Variants in RPS6KB1 observed in about 807,000 individuals in gnomAD.
RPS6KB1 encodes the protein ribosomal protein S6 kinase B1, also known as ribosomal protein S6 kinase beta-1.
Under a neutral mutation model 70.2 loss-of-function variants are expected in RPS6KB1, and 12 were observed. That is an observed-to-expected ratio of 0.17 (90% CI 0.11 to 0.28). RPS6KB1 has a LOEUF of 0.28. Among genes scored for constraint, RPS6KB1 ranks in the 10% least tolerant of loss-of-function variants. The pLI is 1.00. For missense variants in RPS6KB1, 270 were observed against 646.6 expected, an observed-to-expected ratio of 0.42 and a Z score of 6.32; for synonymous variants, 175 against 211.2, an observed-to-expected ratio of 0.83 and a Z score of 1.49.
chr17:59,914,777 G>A (rs2042842438), intron 4 of RPS6KB1, 74 bp downstream of exon 4: 1 of 1,106,318 alleles, frequency 9.0e-7, no homozygotes, highest in Non-Finnish European at 1.3e-6. Flanking sequence ...AGGCTGGGAA[G>A]CAATCATATC....
At position 59,934,585 on chromosome 17, in the gene RPS6KB1, G is replaced by C; in HGVS notation, c.870+61G>C. 7.9e-7 allele frequency: 1 copy of C among 1,261,524 alleles called. No homozygotes were observed. The highest frequency in any genetic ancestry group is 1.2e-6 in the Non-Finnish European group (1 of 868,538). The allele number at this position is 1,261,524 out of a possible 1,614,324, so 78.1% of individuals were successfully genotyped here. A position where few individuals can be genotyped will look rare whatever the true frequency, so the allele number is the denominator to read the frequency against. ...TCTGTGCTGAGTCACTATAGCAAGA[G>C]ACCTGTCCTGTGCTTTCTGAACATG... is the stretch of plus-strand genomic sequence containing the variant. On this transcript the variant is annotated intron_variant, in intron 9 of 14. Transcript: ENST00000225577. The surrounding 1 kb of genome is among the most constrained non-coding windows in gnomAD (Gnocchi z 4.8).
At chr17:59,925,033 G>C (rs189759966) in intron 4 of RPS6KB1, among the ~76,000 whole-genome samples, 1 of 151,826 alleles carries the variant, frequency 6.6e-6, no homozygotes, top group African/African-American at 2.4e-5. Flanking sequence ...GCGTTTCACC[G>C]TGTTAGCCAG....
chr17:59,915,353 T>C (rs148089737), intron 4 of RPS6KB1, among the ~76,000 whole-genome samples: 314 of 152,218 alleles, frequency 2.1e-3, no homozygotes, highest in African/African-American at 7.2e-3. Context: ...ATTACTGTTA[T>C]TCCTATTTTT....
intron 14 of RPS6KB1, 105 bp downstream of exon 14, chr17:59,945,623 T>C: frequency 1.5e-6 from 1 of 657,690 alleles, no homozygotes; most frequent in Non-Finnish European, 2.8e-6. Context: ...ACTGTCATAC[T>C]CTCTTTGGTT....
intron 4 of RPS6KB1, among the ~76,000 whole-genome samples, chr17:59,919,482 T>C (rs2043148332): frequency 6.6e-6 from 1 of 152,148 alleles, no homozygotes; most frequent in Admixed American, 6.6e-5. Flanking sequence ...AAATATTGTC[T>C]GTAGATCTTT....
At chr17:59,895,824 G>A (rs1264640999) in intron 1 of RPS6KB1, among the ~76,000 whole-genome samples, 2 of 151,926 alleles carry the variant, frequency 1.3e-5, no homozygotes, top group African/African-American at 4.8e-5. Flanking sequence ...GTAGAGATGG[G>A]GTTTCACCAT....
At position 59,937,589 on chromosome 17, in the gene RPS6KB1, G is replaced by A. The variant is rs547165681; in HGVS notation, c.1119+1048G>A. On this transcript the variant is annotated intron_variant, in intron 12 of 14. Transcript: ENST00000225577. The stretch of plus-strand genomic sequence containing the variant: ...TCTTTGGCTTGTAGGTGCATCACCC[G>A]GATCTCTGCCTTCATGTTCACATGG... Among the ~76,000 whole-genome samples the A allele has an allele frequency of 3.2e-4, 48 of 152,276 alleles. No individual in the cohort carries two copies. The East Asian group carries it at 6.6e-3, about 21-fold the overall frequency.
chr17:59,894,734 A>T (rs2144635557), intron 1 of RPS6KB1, among the ~76,000 whole-genome samples: 1 of 152,144 alleles, frequency 6.6e-6, no homozygotes, highest in East Asian at 1.9e-4. Context: ...CCTCCCAAGT[A>T]GCTAGGATTA....
intron 1 of RPS6KB1, among the ~76,000 whole-genome samples, chr17:59,899,001 G>A (rs2041739318): frequency 6.6e-6 from 1 of 151,334 alleles, no homozygotes; most frequent in African/African-American, 2.4e-5. Flanking sequence ...TCAGGGGTTC[G>A]AGACCAGCCT....
chr17:59,945,364 T>C (rs769854899), intron 13 of RPS6KB1, 42 bp from the exon 14 acceptor site: 1 of 1,085,366 alleles, frequency 9.2e-7, no homozygotes, highest in South Asian at 1.3e-5. Flanking sequence ...TTGAGATACA[T>C]GACAAAATGC....
rs780307691 is a variant in RPS6KB1, at chr17:59,934,189, C to T, written c.708C>T (p.Asp236=). The T allele has an allele frequency of 1.5e-5, 24 of 1,606,382 alleles. No homozygotes were observed. The highest frequency in any genetic ancestry group is 1.6e-4 in the Middle Eastern group (1 of 6,064). Residue 236 remains aspartate (D), a synonymous_variant, in exon 8 of 15, where the codon GAC becomes GAT. Coordinates refer to ENST00000225577, the MANE Select transcript of RPS6KB1 (RefSeq NM_003161.4). The surrounding 1 kb of genome is among the most constrained non-coding windows in gnomAD (Gnocchi z 4.8). ...LNHQGHVKLT[D]FGLCKESIHD... is the part of the protein sequence containing the mutation. ...TTGTAGGTCATGTGAAACTAACAGA[C>T]TTTGGACTATGCAAAGAATCTATTC...
rs71145590 is a variant in RPS6KB1, at chr17:59,922,551, C to CTTTTTTTTTTTTTT, written c.382-3872_382-3859dup. 1.4e-4 allele frequency among the ~76,000 whole-genome samples: 11 copies of CTTTTTTTTTTTTTT among 80,412 alleles called. 1 individual carries two copies. The highest frequency in any genetic ancestry group is 3.4e-4 in the Admixed American group (2 of 5,826). The allele number at this position is 80,412 out of a possible 152,430, so 52.8% of individuals were successfully genotyped here. A position where few individuals can be genotyped will look rare whatever the true frequency, so the allele number is the denominator to read the frequency against. On this transcript the variant is annotated intron_variant, in intron 4 of 14. Transcript: ENST00000225577. ...AGTCTGTAAAGATTTTTTTATACTC[C>CTTTTTTTTTTTTTT]TTTTTTTTTTTTTTTTTTTTTTTTT...
chr17:59,914,837 A>G, intron 4 of RPS6KB1, 134 bp downstream of exon 4: 1 of 701,940 alleles, frequency 1.4e-6, no homozygotes, highest in Admixed American at 2.9e-5. Flanking sequence ...AGTCAAAAAA[A>G]TGTATCTCAA....
chr17:59,895,035 GTTTTT>G (rs2041450963), intron 1 of RPS6KB1, among the ~76,000 whole-genome samples: 1 of 150,050 alleles, frequency 6.7e-6, no homozygotes, highest in African/African-American at 2.5e-5. Flanking sequence ...GTTTTGTTTT[GTTTTT>G]GAGACAGTCT....
intron 1 of RPS6KB1, among the ~76,000 whole-genome samples, chr17:59,907,782 G>A (rs897088302): frequency 7.2e-5 from 11 of 152,080 alleles, no homozygotes; most frequent in Non-Finnish European, 1.2e-4. Flanking sequence ...TAATCCTCCT[G>A]CCTTGGACTC....
At chr17:59,921,145 T>C (rs924392887) in intron 4 of RPS6KB1, among the ~76,000 whole-genome samples, 12 of 152,210 alleles carry the variant, frequency 7.9e-5, no homozygotes, top group African/African-American at 2.9e-4. Flanking sequence ...CTTGTTTTTT[T>C]TCCCCACTCA....
At chr17:59,925,979 T>TTC (rs1484374289) in intron 4 of RPS6KB1, among the ~76,000 whole-genome samples, 2 of 152,058 alleles carry the variant, frequency 1.3e-5, no homozygotes, top group Non-Finnish European at 2.9e-5. Context: ...AAGCGAGACT[T>TTC]TCTGCTAGGT....
Position 59,935,280 on chromosome 17 carries a change from G to T in RPS6KB1, c.958G>T (p.Ala320Ser), listed in dbSNP as rs1228058375. 6.2e-7 allele frequency: 1 copy of T among 1,605,188 alleles called. No homozygotes were observed. Among genetic ancestry groups the T allele is most frequent in the Non-Finnish European group, 8.5e-7 (1 of 1,172,550 alleles). ...LNLPPYLTQE[A>S]RDLLKKLLKR... Reference sequence around the variant, plus strand: ...TTTGCCTCCCTACCTCACACAAGAAGCCAGAGATCTGCTTAAAAAGGTAAG... The same window carrying T: ...TTTGCCTCCCTACCTCACACAAGAATCCAGAGATCTGCTTAAAAAGGTAAG... The change falls in exon 10 of 15, where the codon GCC (alanine) becomes TCC (serine). Residue 320 changes from alanine (A) to serine (S), a missense_variant. This residue lies in a region of RPS6KB1 where 133 missense variants were observed against 314.7 expected (regional missense o/e 0.42). Coordinates refer to ENST00000225577, the MANE Select transcript of RPS6KB1 (RefSeq NM_003161.4).
At chr17:59,930,748 AT>A (rs1375917473) in intron 6 of RPS6KB1, 1 of 151,746 alleles carries the variant, frequency 6.6e-6, no homozygotes, top group Non-Finnish European at 1.5e-5. Flanking sequence ...CAACACTTAA[AT>A]GTTTTTTTCT....
Sources: allele counts gnomAD v4.1 joint callset (sites outside exome capture counted in the v4.1 genomes callset), GRCh38; gene constraint gnomAD v4.1.1; regional missense constraint gnomAD v4.1.1; non-coding constraint Gnocchi (gnomAD v3.1); transcripts MANE v1.5; gene names NCBI Gene and HGNC (gene_info 2026-07-23, HGNC 2026-07-21).